The following PLAC1 variants were observed in gnomAD, a reference collection of about 807,000 sequenced individuals.
PLAC1 encodes the protein placenta-specific protein 1.
For missense variants in PLAC1, 136 were observed against 163.2 expected, an observed-to-expected ratio of 0.83 and a Z score of 0.91; for synonymous variants, 68 against 62.1, an observed-to-expected ratio of 1.09 and a Z score of -0.44.
chrX:134,723,458 C>T (rs1355745838), intron 2 of PLAC1, among the ~76,000 whole-genome samples: 1 of 109,404 alleles, frequency 9.1e-6, no homozygotes, highest in Non-Finnish European at 1.9e-5. Context: ...AGGCACGCAC[C>T]ACCACACCTG....
chrX:134,638,975 C>T (rs762709990), intron 1 of PLAC1, among the ~76,000 whole-genome samples: 2 of 111,553 alleles, frequency 1.8e-5, no homozygotes, highest in Admixed American at 9.6e-5. Context: ...TCTGCTGTTC[C>T]CTTCTTTATG....
At chrX:134,749,050 C>T (rs1208180801) in intron 1 of PLAC1, among the ~76,000 whole-genome samples, 1 of 112,186 alleles carries the variant, frequency 8.9e-6, no homozygotes, top group East Asian at 2.8e-4. Context: ...GGCATGGTGG[C>T]TCACACCTGT....
intron 1 of PLAC1, among the ~76,000 whole-genome samples, chrX:134,744,203 A>G (rs1045441553): frequency 2.8e-5 from 3 of 108,093 alleles, no homozygotes; most frequent in Non-Finnish European, 5.8e-5. Flanking sequence ...AATTGCTTGA[A>G]CCAAGGGGGC....
At chrX:134,579,440 C>T (rs758220899) in intron 2 of PLAC1, among the ~76,000 whole-genome samples, 4 of 111,942 alleles carry the variant, frequency 3.6e-5, no homozygotes, top group African/African-American at 6.5e-5. Context: ...GCTTGGCTTC[C>T]GGACTATGGC....
At chrX:134,736,140 G>A (rs1006452625) in intron 1 of PLAC1, among the ~76,000 whole-genome samples, 5 of 109,987 alleles carry the variant, frequency 4.5e-5, no homozygotes, top group Non-Finnish European at 7.6e-5. Context: ...GCTGGGTGTG[G>A]TGGCATGCGC....
chrX:134,699,373 C>A (rs1021479874), intron 2 of PLAC1, among the ~76,000 whole-genome samples: 4 of 111,593 alleles, frequency 3.6e-5, no homozygotes, highest in Admixed American at 9.5e-5. Context: ...GAGGATGCAG[C>A]AATAAGGCAC....
At chrX:134,659,497 G>C (rs2078407660), upstream of PLAC1, among the ~76,000 whole-genome samples, 1 of 111,119 alleles carries the variant, frequency 9.0e-6, no homozygotes, top group Non-Finnish European at 1.9e-5. Context: ...AGCTCCTATG[G>C]AAAGTCAGTA....
intron 2 of PLAC1, among the ~76,000 whole-genome samples, chrX:134,668,444 T>C (rs772410003): frequency 3.6e-5 from 4 of 112,463 alleles, no homozygotes; most frequent in African/African-American, 6.5e-5. Context: ...ATCTATGAAA[T>C]GGTAGGGCTA....
chrX:134,695,948 A>AT (rs768137762), intron 2 of PLAC1, among the ~76,000 whole-genome samples: 40 of 109,775 alleles, frequency 3.6e-4, no homozygotes, highest in Middle Eastern at 9.3e-3. Flanking sequence ...CACAAGAGGG[A>AT]TTTTTTTTCT....
chrX:134,575,545 A>G (rs1193738773), intron 2 of PLAC1, among the ~76,000 whole-genome samples: 1 of 109,454 alleles, frequency 9.1e-6, no homozygotes, highest in Admixed American at 9.8e-5. Context: ...CAAGGCGGGT[A>G]GATCATGAGG....
intron 2 of PLAC1, among the ~76,000 whole-genome samples, chrX:134,712,240 C>T (rs997511872): frequency 1.8e-5 from 2 of 111,250 alleles, no homozygotes; most frequent in East Asian, 5.7e-4. Context: ...GTAGACACTC[C>T]TTCTCTGTAC....
Position 134,589,632 on chromosome X carries a change from CA to C in PLAC1, c.-59+12418del, listed in dbSNP as rs1257031463. ...CTCCCAGATACTTGGGAGGCTGAGG[CA>C]GGAGAATTGCTTGAACCGGGGAGGC... On this transcript the variant is annotated intron_variant, in intron 2 of 2. Transcript: ENST00000359237. Among the ~76,000 whole-genome samples the C allele has an allele frequency of 2.9e-5, 3 of 105,230 alleles. No individual in the cohort carries two copies. The Admixed American group carries it at 3.1e-4, about 11-fold the overall frequency. 91.4% of individuals were successfully genotyped at this position (105,230 alleles called of 115,157 possible).
At position 134,722,577 on chromosome X, in the gene PLAC1, T is replaced by C. The variant is rs142241191; in HGVS notation, n.174+10858A>G. ...GTAATGAGTTTCTCTTTGGGGATGATGAAAATATTCTGGAATTGAATAGTA... is the reference window on the plus strand; with the variant it reads ...GTAATGAGTTTCTCTTTGGGGATGACGAAAATATTCTGGAATTGAATAGTA... On this transcript the variant is annotated intron_variant and non_coding_transcript_variant, in intron 2 of 2. Transcript: ENST00000466797. Among the ~76,000 whole-genome samples the C allele has an allele frequency of 1.9e-4, 21 of 111,882 alleles. No individual in the cohort carries two copies. In the East Asian group the frequency reaches 5.9e-3, roughly 31 times the overall value.
At chrX:134,748,772 A>C (rs2078734750) in intron 1 of PLAC1, among the ~76,000 whole-genome samples, 1 of 111,705 alleles carries the variant, frequency 9.0e-6, no homozygotes. Flanking sequence ...GACTGGCAAG[A>C]CAATTACCTA....
At chrX:134,625,860 G>A (rs139936161) in intron 1 of PLAC1, among the ~76,000 whole-genome samples, 13 of 110,793 alleles carry the variant, frequency 1.2e-4, no homozygotes, top group Admixed American at 1.2e-3. Flanking sequence ...AATGGGTCTC[G>A]GAGGCTGTAG....
At chrX:134,755,329 T>C (rs959578637) in intron 1 of PLAC1, among the ~76,000 whole-genome samples, 7 of 112,693 alleles carry the variant, frequency 6.2e-5, no homozygotes, top group Non-Finnish European at 1.1e-4. Flanking sequence ...CTGTAGTTTG[T>C]TTGTTCATTG....
chrX:134,724,868 G>A (rs918984694), intron 2 of PLAC1, among the ~76,000 whole-genome samples: 12 of 111,021 alleles, frequency 1.1e-4, no homozygotes, highest in African/African-American at 3.9e-4. Context: ...GCTGGGCATG[G>A]TGGAGTGCAC....
chrX:134,676,165 T>C (rs932875431), intron 2 of PLAC1, among the ~76,000 whole-genome samples: 1 of 111,981 alleles, frequency 8.9e-6, no homozygotes, highest in Non-Finnish European at 1.9e-5. Flanking sequence ...TTATTTTAAT[T>C]AAAAAGCATC....
intron 2 of PLAC1, among the ~76,000 whole-genome samples, chrX:134,686,714 A>T (rs957332815): frequency 8.9e-6 from 1 of 111,850 alleles, no homozygotes; most frequent in African/African-American, 3.2e-5. Flanking sequence ...GGCCACCTGT[A>T]CAGACTGCCA....
Sources: allele counts gnomAD v4.1 joint callset (sites outside exome capture counted in the v4.1 genomes callset), GRCh38; gene constraint gnomAD v4.1.1; transcripts MANE v1.5; gene names NCBI Gene and HGNC (gene_info 2026-07-23, HGNC 2026-07-21).